Variants in COL14A1 observed in about 807,000 individuals in gnomAD.
COL14A1 encodes the protein collagen alpha-1(XIV) chain.
Under a neutral mutation model 230.3 loss-of-function variants are expected in COL14A1, and 136 were observed. The observed-to-expected ratio is 0.59, with a 90% confidence interval of 0.51 to 0.68. The LOEUF (loss-of-function observed/expected upper bound fraction) is 0.68. Among genes scored for constraint, COL14A1 ranks in the 30% least tolerant of loss-of-function variants. The pLI is 0.00. For missense variants in COL14A1, 1,976 were observed against 2,215.8 expected, an observed-to-expected ratio of 0.89 and a Z score of 2.17; for synonymous variants, 792 against 784.1, an observed-to-expected ratio of 1.01 and a Z score of -0.17.
At chr8:120,325,081 A>G (rs1038199102) in intron 40 of COL14A1, among the ~76,000 whole-genome samples, 3 of 152,362 alleles carry the variant, frequency 2.0e-5, no homozygotes, top group Non-Finnish European at 4.4e-5. Flanking sequence ...AATTTCAGCC[A>G]TGGTTAAATT....
At chr8:120,165,738 T>G (rs2130563300) in intron 4 of COL14A1, among the ~76,000 whole-genome samples, 1 of 152,274 alleles carries the variant, frequency 6.6e-6, no homozygotes, top group East Asian at 1.9e-4. Context: ...TTTAGGACCT[T>G]TAAATATGGA....
chr8:120,212,293 A>G (rs553690615), intron 12 of COL14A1, among the ~76,000 whole-genome samples, 155 bp from the exon 13 acceptor site: 1 of 152,368 alleles, frequency 6.6e-6, no homozygotes, highest in South Asian at 2.1e-4. Context: ...ATGACACAAG[A>G]CAATTTAAAA....
chr8:120,279,909 G>A (rs1031835084), intron 28 of COL14A1, 26 bp from the exon 29 acceptor site: 20 of 1,607,436 alleles, frequency 1.2e-5, no homozygotes, highest in Non-Finnish European at 1.5e-5. Flanking sequence ...TAAAGTAATC[G>A]GAAATCTGTT....
In COL14A1 at chr8:120,250,629, CACTGGAA is replaced by C. The variant is rs1563696397; in HGVS notation, c.2618_2624del (p.Leu873ArgfsTer23). The C allele has an allele frequency of 6.2e-7, 1 of 1,614,186 alleles. No individual in the cohort carries two copies. The highest frequency in any genetic ancestry group is 2.2e-5 in the East Asian group (1 of 44,886). ...CTTTCTTCTTTAGTTCCTGGTCCAA[CACTGGAA>C]ACGTTTGTGGGAGCTGACATTAACA... On this transcript the variant is annotated frameshift_variant, in exon 22 of 48. Transcript: ENST00000297848. LOFTEE classifies it high-confidence loss of function.
chr8:120,219,487 T>C (rs765920998), intron 14 of COL14A1, among the ~76,000 whole-genome samples: 5 of 152,190 alleles, frequency 3.3e-5, no homozygotes, highest in Non-Finnish European at 7.4e-5. Context: ...GCACCTGAAT[T>C]TGCAGGTGTA....
chr8:120,262,255 C>T (rs1410213068), intron 23 of COL14A1, among the ~76,000 whole-genome samples: 1 of 151,914 alleles, frequency 6.6e-6, no homozygotes, highest in Non-Finnish European at 1.5e-5. Context: ...GGTGGATCAT[C>T]TAAGGTCAGG....
At chr8:120,234,948 T>C (rs1017345364) in intron 19 of COL14A1, among the ~76,000 whole-genome samples, 1 of 152,166 alleles carries the variant, frequency 6.6e-6, no homozygotes, top group Admixed American at 6.5e-5. Flanking sequence ...GGTCCTGGGC[T>C]TTTTTTGGTT....
intron 34 of COL14A1, among the ~76,000 whole-genome samples, chr8:120,290,973 T>C (rs1405451087): frequency 2.6e-5 from 4 of 152,222 alleles, no homozygotes; most frequent in Non-Finnish European, 4.4e-5. Flanking sequence ...TGGAGAATTA[T>C]GGATTAGATG....
rs1042799261 is a variant in COL14A1 at position 120,212,530 on chromosome 8, T to C, written c.1550T>C (p.Met517Thr). 6.2e-7 allele frequency: 1 copy of C among 1,613,492 alleles called. No homozygotes were observed. Among genetic ancestry groups the C allele is most frequent in the Non-Finnish European group, 8.5e-7 (1 of 1,179,696 alleles). The part of the protein sequence containing the change: ...NTEYTVTVYA[M>T]FGEEASDPVT... ...GAATACACAGTCACAGTTTATGCCA[T>C]GTTTGGAGAAGAGGCCAGTGATCCT... Residue 517 changes from methionine to threonine, a missense_variant, in exon 13 of 48, where the codon ATG (methionine) becomes ACG (threonine). Physicochemically the swap from Met to Thr is moderately conservative, Grantham distance 81. Coordinates refer to ENST00000297848, the MANE Select transcript of COL14A1 (RefSeq NM_021110.4).
intron 25 of COL14A1, 164 bp downstream of exon 25, chr8:120,267,047 T>G: frequency 1.7e-6 from 1 of 603,818 alleles, no homozygotes; most frequent in Non-Finnish European, 2.9e-6. Context: ...TTGAATGATA[T>G]CCATTTAATA....
chr8:120,236,706 G>A (rs541939756), intron 19 of COL14A1, among the ~76,000 whole-genome samples: 59 of 152,168 alleles, frequency 3.9e-4, no homozygotes, highest in Non-Finnish European at 6.6e-4. Context: ...CAGTTTCTTC[G>A]TAATGTCAAT....
Position 120,280,099 on chromosome 8 carries a change from A to G in COL14A1, c.3646A>G (p.Thr1216Ala). The change falls in exon 29 of 48, where the codon ACC (threonine) becomes GCC (alanine). Residue 1216 changes from threonine to alanine, a missense_variant and splice_region_variant. Coordinates refer to ENST00000297848, the MANE Select transcript of COL14A1 (RefSeq NM_021110.4). ...ITFVCETASA[T>A]CPVVHKDGID... is the part of the protein sequence containing the mutation. ...TTTTGTCTGCGAAACAGCATCAGCAAGTTAGTTCTTTGGAATTTGTACTTA... is the reference window on the plus strand; with the variant it reads ...TTTTGTCTGCGAAACAGCATCAGCAGGTTAGTTCTTTGGAATTTGTACTTA... 1 of 1,613,610 alleles carries G rather than the reference A, an allele frequency of 6.2e-7. No homozygotes were observed. Among genetic ancestry groups the G allele is most frequent in the South Asian group, 1.1e-5 (1 of 91,062 alleles).
chr8:120,200,050 C>CATATATATATGCATAT (rs1554605899), intron 8 of COL14A1, among the ~76,000 whole-genome samples: 1 of 150,520 alleles, frequency 6.6e-6, no homozygotes, highest in African/African-American at 2.4e-5. Flanking sequence ...TGTGAAAAAG[C>CATATATATATGCATAT]ATATATATAT....
intron 1 of COL14A1, among the ~76,000 whole-genome samples, chr8:120,142,249 G>T (rs1814939568): frequency 6.6e-6 from 1 of 152,186 alleles, no homozygotes; most frequent in Non-Finnish European, 1.5e-5. Context: ...ACAGCTATCT[G>T]TGTGACTGGC....
At chr8:120,201,229 G>A (rs1817237997) in intron 8 of COL14A1, among the ~76,000 whole-genome samples, 1 of 152,066 alleles carries the variant, frequency 6.6e-6, no homozygotes, top group Admixed American at 6.6e-5. Context: ...AATTAAAAAT[G>A]TATTATGTTT....
At chr8:120,197,187 T>C (rs908828697) in intron 6 of COL14A1, among the ~76,000 whole-genome samples, 13 of 152,198 alleles carry the variant, frequency 8.5e-5, no homozygotes, top group African/African-American at 3.1e-4. Flanking sequence ...AGTTCTTCTC[T>C]GTTACTTTAA....
chr8:120,287,484 A>G (rs1820239822), intron 33 of COL14A1, among the ~76,000 whole-genome samples: 1 of 152,200 alleles, frequency 6.6e-6, no homozygotes, highest in Admixed American at 6.5e-5. Flanking sequence ...CATGAGTGTT[A>G]AAAGAAACAT....
intron 14 of COL14A1, among the ~76,000 whole-genome samples, chr8:120,218,594 ACCACTGCT>A (rs1171970877): frequency 1.3e-5 from 2 of 152,056 alleles, no homozygotes; most frequent in African/African-American, 4.8e-5. Flanking sequence ...ACAGGCGTGA[ACCACTGCT>A]CCCAGCCTAA....
At chr8:120,259,700 C>A (rs1054489245) in intron 23 of COL14A1, among the ~76,000 whole-genome samples, 1 of 152,112 alleles carries the variant, frequency 6.6e-6, no homozygotes, top group African/African-American at 2.4e-5. Context: ...TCTTTAAAGT[C>A]CATGGGTTTC....
Sources: gnomAD v4.1 joint callset for allele counts (sites outside exome capture counted in the v4.1 genomes callset) on GRCh38, gnomAD v4.1.1 for gene constraint, MANE v1.5 for transcripts, NCBI Gene and HGNC (gene_info 2026-07-23, HGNC 2026-07-21) for gene names.